The following PCDHGB2 variants were observed in gnomAD, a reference collection of about 807,000 sequenced individuals.
PCDHGB2 encodes the protein protocadherin gamma subfamily B, 2.
In PCDHGB2, 55 loss-of-function variants were observed where a neutral mutation model predicts 59.3. The observed-to-expected ratio is 0.93, with a 90% CI of 0.75 to 1.16. PCDHGB2 has a LOEUF of 1.16. Among genes scored for constraint, PCDHGB2 ranks in the 50% most tolerant of loss-of-function variants. The pLI is 0.00. For synonymous variants in PCDHGB2, 516 were observed against 512.0 expected (o/e 1.01, Z -0.11); for missense variants, 1,228 against 1,198.5 (o/e 1.02, Z -0.36).
chr5:141,504,561 T>G (rs1023434942), intron 2 of PCDHGB2, among the ~76,000 whole-genome samples: 1 of 150,052 alleles, frequency 6.7e-6, no homozygotes, highest in Non-Finnish European at 1.5e-5. Context: ...GGGACTGGCA[T>G]TCTAGGGAAC....
At position 141,485,662 on chromosome 5, in the gene PCDHGB2, G is replaced by T. The variant is rs778404230; in HGVS notation, c.2422-9145G>T. ...AAAAGGCTCAGGATGCAGATGTGGG[G>T]AGCAATTCGATTAGCAGCTATAGGC... On this transcript the variant is annotated intron_variant, in intron 1 of 3. Coordinates refer to ENST00000522605, the MANE Select transcript of PCDHGB2 (RefSeq NM_018923.3). This position sits in a 1 kb window ranked among gnomAD's most constrained non-coding sequence, Gnocchi z 5.7. The T allele has an allele frequency of 1.1e-5, 18 of 1,612,748 alleles. No individual in the cohort carries two copies. The South Asian group carries it at 1.9e-4, about 17-fold the overall frequency.
intron 1 of PCDHGB2, chr5:141,408,915 A>T (rs2095192273): frequency 1.2e-6 from 2 of 1,613,004 alleles, no homozygotes; most frequent in South Asian, 2.2e-5. Context: ...ACCAATGATA[A>T]CCCCCCGGTT....
At chr5:141,495,400 C>T (rs554849650) in intron 2 of PCDHGB2, among the ~76,000 whole-genome samples, 4 of 152,278 alleles carry the variant, frequency 2.6e-5, no homozygotes, top group Non-Finnish European at 1.5e-5. Flanking sequence ...ATGGAGCAGG[C>T]CCCCTTCTCC....
chr5:141,371,996 C>T, intron 1 of PCDHGB2: 1 of 1,613,272 alleles, frequency 6.2e-7, no homozygotes, highest in Non-Finnish European at 8.5e-7. Context: ...CTCTGCAGGC[C>T]CGCGACCAGG....
Position 141,486,087 on chromosome 5 carries a change from T to G in PCDHGB2, c.2422-8720T>G. 4 of 1,614,176 alleles carry G rather than the reference T, an allele frequency of 2.5e-6. No individual in the cohort carries two copies. The highest frequency in any genetic ancestry group is 3.4e-6 in the Non-Finnish European group (4 of 1,180,028). ...CCCACTACTGGAAAGCTTACTCTTT[T>G]GGGGCCCCTAGACTTTGAGAGTGAG... On this transcript the variant is annotated intron_variant, in intron 1 of 3. Coordinates refer to ENST00000522605, the MANE Select transcript of PCDHGB2 (RefSeq NM_018923.3). This position sits in a 1 kb window ranked among gnomAD's most constrained non-coding sequence, Gnocchi z 5.0.
At chr5:141,425,686 A>C (rs1026122573) in intron 1 of PCDHGB2, among the ~76,000 whole-genome samples, 4 of 152,252 alleles carry the variant, frequency 2.6e-5, no homozygotes, top group Non-Finnish European at 5.9e-5. Context: ...AATACTGCAT[A>C]TCATTTCATA....
intron 1 of PCDHGB2, chr5:141,411,432 AC>A (rs1483186233): frequency 6.6e-6 from 1 of 151,012 alleles, no homozygotes; most frequent in African/African-American, 2.4e-5. Context: ...ACAAAAAAAA[AC>A]ATTAGCAGAG....
At chr5:141,409,559 G>A (rs1421541308) in intron 1 of PCDHGB2, 1 of 1,613,936 alleles carries the variant, frequency 6.2e-7, no homozygotes, top group Admixed American at 1.7e-5. Context: ...CCCAGTTTTC[G>A]ACCAGACGTC....
rs1214425261 is a variant in PCDHGB2 at position 141,485,865 on chromosome 5, C to G, written c.2422-8942C>G. On this transcript the variant is annotated intron_variant, in intron 1 of 3. Coordinates refer to ENST00000522605, the MANE Select transcript of PCDHGB2 (RefSeq NM_018923.3). This position sits in a 1 kb window ranked among gnomAD's most constrained non-coding sequence, Gnocchi z 5.7. The stretch of plus-strand genomic sequence containing the variant: ...TCTGGCACCGCAGAGCTCCGGGTAT[C>G]CGTGCTGGACGTAAACGACAACGCC... The G allele has an allele frequency of 1.2e-6, 2 of 1,614,182 alleles. No individual in the cohort carries two copies.
intron 1 of PCDHGB2, chr5:141,365,999 G>A: frequency 1.9e-6 from 3 of 1,614,212 alleles, no homozygotes; most frequent in South Asian, 1.1e-5. Flanking sequence ...GGACCAGAAC[G>A]ACAATACGCC....
At chr5:141,474,772 G>T (rs1053853138) in intron 1 of PCDHGB2, among the ~76,000 whole-genome samples, 1 of 152,182 alleles carries the variant, frequency 6.6e-6, no homozygotes, top group Non-Finnish European at 1.5e-5. Context: ...AATAGTATGA[G>T]GCTCTAACAC....
rs191844335 is a variant in PCDHGB2 at position 141,394,289 on chromosome 5, C to A, written c.2421+31733C>A. ...ATGCCCAGGTCACTTACTCTGTGAC[C>A]GAGGACACGCTGCAGGGGGCGCCCC... On this transcript the variant is annotated intron_variant, in intron 1 of 3. Coordinates refer to ENST00000522605, the MANE Select transcript of PCDHGB2 (RefSeq NM_018923.3). The A allele has an allele frequency of 3.8e-5, 61 of 1,613,954 alleles. 1 individual carries two copies. In the African/African-American group the frequency reaches 6.0e-4, roughly 16 times the overall value.
intron 1 of PCDHGB2, chr5:141,399,261 T>G: frequency 1.2e-6 from 2 of 1,613,918 alleles, no homozygotes; most frequent in Non-Finnish European, 1.7e-6. Context: ...ATGGGGAGGT[T>G]AATTGTCAAT....
intron 3 of PCDHGB2, chr5:141,508,010 CAAG>C (rs2099865550): frequency 6.6e-6 from 1 of 152,308 alleles, no homozygotes; most frequent in Non-Finnish European, 1.5e-5. Context: ...GGGATGCTCT[CAAG>C]GAGGCTGCGG....
At chr5:141,427,132 G>T (rs755992698) in intron 1 of PCDHGB2, 1 of 457,106 alleles carries the variant, frequency 2.2e-6, no homozygotes, top group Non-Finnish European at 4.4e-6. Context: ...AAATCCCTAC[G>T]AGATGATATT....
chr5:141,431,012 G>A lies in PCDHGB2; in HGVS notation c.2422-63795G>A. On this transcript the variant is annotated intron_variant, in intron 1 of 3. Coordinates refer to ENST00000522605, the MANE Select transcript of PCDHGB2 (RefSeq NM_018923.3). This position sits in a 1 kb window ranked among gnomAD's most constrained non-coding sequence, Gnocchi z 4.8. The stretch of plus-strand genomic sequence containing the variant: ...CCTGAATCCGCGCAGCGGCAGCTTG[G>A]TCACGGCGGGCAGGATAGACCGGGA... 1 of 1,613,314 alleles carries A rather than the reference G, an allele frequency of 6.2e-7. No individual in the cohort carries two copies. Among genetic ancestry groups the A allele is most frequent in the South Asian group, 1.1e-5 (1 of 91,076 alleles).
At chr5:141,367,450 T>C (rs1038206449) in intron 1 of PCDHGB2, 8 of 152,070 alleles carry the variant, frequency 5.3e-5, no homozygotes, top group African/African-American at 1.4e-4. Flanking sequence ...GGCAGGAGAA[T>C]GGGGTGAACC....
intron 1 of PCDHGB2, chr5:141,409,600 G>T (rs778681839): frequency 6.8e-6 from 11 of 1,613,882 alleles, no homozygotes; most frequent in Admixed American, 1.7e-5. Flanking sequence ...AGAACAACCC[G>T]CCAGGAGCCT....
chr5:141,393,057 G>A lies in PCDHGB2; in HGVS notation c.2421+30501G>A, dbSNP rs1273747847. On this transcript the variant is annotated intron_variant, in intron 1 of 3. Transcript: ENST00000522605. ...GCTCTTTGCTCTGAACCCGCGCAGC[G>A]GCAGCTTGATCACCGCGGGCAGGAT... 6 of 1,613,514 alleles carry A rather than the reference G, an allele frequency of 3.7e-6. No homozygotes were observed. The African/African-American group carries it at 4.0e-5, about 11-fold the overall frequency.
Sources: allele counts gnomAD v4.1 joint callset (sites outside exome capture counted in the v4.1 genomes callset), GRCh38; gene constraint gnomAD v4.1.1; non-coding constraint Gnocchi (gnomAD v3.1); transcripts MANE v1.5; gene names NCBI Gene and HGNC (gene_info 2026-07-23, HGNC 2026-07-21).